Variants in MPRIP observed in about 807,000 individuals in gnomAD.
MPRIP encodes myosin phosphatase Rho interacting protein, also known as myosin phosphatase Rho-interacting protein.
A neutral mutation model predicts 234.9 loss-of-function variants in MPRIP; 59 were observed. The ratio of observed to expected loss-of-function variants is 0.25; its 90% CI spans 0.20 to 0.31. The LOEUF (loss-of-function observed/expected upper bound fraction) is 0.31. Among genes scored for constraint, MPRIP ranks in the 10% least tolerant of loss-of-function variants. The pLI is 1.00. For synonymous variants in MPRIP, 1,144 were observed against 1,263.9 expected, an observed-to-expected ratio of 0.91 and a Z score of 2.01; for missense variants, 2,436 against 3,071.0, an observed-to-expected ratio of 0.79 and a Z score of 4.89.
intron 3 of MPRIP, among the ~76,000 whole-genome samples, chr17:17,083,451 C>T (rs940996511): frequency 1.3e-5 from 2 of 152,150 alleles, no homozygotes; most frequent in African/African-American, 4.8e-5. Flanking sequence ...GACCTCTGCT[C>T]ACCTCACTCT....
At chr17:17,057,885 A>G (rs1028020388) in intron 1 of MPRIP, 1 of 581,484 alleles carries the variant, frequency 1.7e-6, no homozygotes, top group Non-Finnish European at 3.1e-6. Flanking sequence ...TTGGATGTAC[A>G]CAAAAGGATA....
chr17:17,132,198 G>C lies in MPRIP; in HGVS notation c.504+497G>C, dbSNP rs533440063. On this transcript the variant is annotated intron_variant, in intron 5 of 23. Transcript: ENST00000651222. ...GACTGGGGTGGTCCCTCAAGGCCCA[G>C]TCCTTCCCCACAGGCCATGATCCTC... Among the ~76,000 whole-genome samples, 28 of 152,298 alleles carry C rather than the reference G, an allele frequency of 1.8e-4. No individual in the cohort carries two copies. In the South Asian group the frequency reaches 5.6e-3, roughly 30 times the overall value.
chr17:17,059,280 C>T (rs2088800317), intron 1 of MPRIP, among the ~76,000 whole-genome samples: 1 of 152,272 alleles, frequency 6.6e-6, no homozygotes, highest in Admixed American at 6.5e-5. Flanking sequence ...TCCTGTGTAG[C>T]CTTTGGGCAG....
chr17:17,149,260 A>T (rs1177367112), intron 11 of MPRIP, among the ~76,000 whole-genome samples: 3 of 152,192 alleles, frequency 2.0e-5, no homozygotes, highest in African/African-American at 7.2e-5. Flanking sequence ...TTGGAGGCCA[A>T]GGCAGGCGGA....
rs1350841310 is a variant in MPRIP, at chr17:17,136,394, A to G, written c.680A>G (p.Gln227Arg). Residue 227 changes from glutamine to arginine, a missense_variant, in exon 6 of 24, where the codon CAG (glutamine) becomes CGG (arginine). Transcript: ENST00000651222. ...SSLSPAQSPS[Q>R]SQPPAASSLR... ...CTGAGTCCAGCTCAGAGTCCCAGCC[A>G]GAGCCAGCCTCCTGCTGCCAGCTCC... 3 of 1,610,254 alleles carry G rather than the reference A, an allele frequency of 1.9e-6. No individual in the cohort carries two copies. The highest frequency in any genetic ancestry group is 2.2e-5 in the South Asian group (2 of 90,372).
chr17:17,136,135 C>G lies in MPRIP; in HGVS notation c.505-84C>G, dbSNP rs548332911. 3.3e-6 allele frequency: 5 copies of G among 1,503,522 alleles called. No homozygotes were observed. In the South Asian group the frequency reaches 4.6e-5, roughly 14 times the overall value. The allele number at this position is 1,503,522 out of a possible 1,614,324, so 93.1% of individuals were successfully genotyped here. The stretch of plus-strand genomic sequence containing the variant: ...ATTGTGTAGCTGGCCCGGGTGCCCC[C>G]TATAGCTAGGCAGCCAGGACCTGTG... On this transcript the variant is annotated intron_variant, in intron 5 of 23. Transcript: ENST00000651222.
chr17:17,121,799 T>C (rs1041032296), intron 3 of MPRIP, among the ~76,000 whole-genome samples: 14 of 152,224 alleles, frequency 9.2e-5, no homozygotes, highest in Non-Finnish European at 1.6e-4. Context: ...TTTCCTGATC[T>C]TCTCCCTCTT....
chr17:17,185,386 A>C lies in MPRIP; in HGVS notation c.*492A>C. ...TCCTCACCCGCTAGTCTGGCTGTTA[A>C]GAGGAGAAAGTGCACTGCCTTCCAG... is the stretch of plus-strand genomic sequence containing the variant. On this transcript the variant is annotated 3_prime_UTR_variant, in exon 24 of 24. Coordinates refer to ENST00000651222, the MANE Select transcript of MPRIP (RefSeq NM_001364716.4). 2.5e-6 allele frequency: 1 copy of C among 406,084 alleles called. No homozygotes were observed. The highest frequency in any genetic ancestry group is 2.7e-5 in the Admixed American group (1 of 37,332). 25.2% of individuals were successfully genotyped at this position (406,084 alleles called of 1,614,324 possible).
In MPRIP at chr17:17,175,425, G is replaced by A; in HGVS notation, c.6870+13G>A. ...CTATGAACTAGAGGTACCATCAGGA[G>A]CCAGGCCCTGCCTGACTCAGCTCTG... On this transcript the variant is annotated intron_variant, in intron 20 of 23. Coordinates refer to ENST00000651222, the MANE Select transcript of MPRIP (RefSeq NM_001364716.4). The A allele has an allele frequency of 1.3e-6, 2 of 1,593,560 alleles. No individual in the cohort carries two copies. Among genetic ancestry groups the A allele is most frequent in the Non-Finnish European group, 1.7e-6 (2 of 1,169,924 alleles).
intron 4 of MPRIP, among the ~76,000 whole-genome samples, chr17:17,130,577 A>AC (rs150881636): frequency 3.0e-4 from 46 of 151,436 alleles, no homozygotes; most frequent in Admixed American, 1.6e-3. Flanking sequence ...AGCAGTACAG[A>AC]CCCCCCCATC....
intron 16 of MPRIP, chr17:17,168,553 C>T: frequency 3.0e-6 from 1 of 336,474 alleles, no homozygotes; most frequent in South Asian, 2.3e-5. Flanking sequence ...GTCCTGCATC[C>T]CCGCCCCTGA....
At chr17:17,083,359 C>G (rs1230091712) in intron 3 of MPRIP, among the ~76,000 whole-genome samples, 2 of 152,142 alleles carry the variant, frequency 1.3e-5, no homozygotes, top group Non-Finnish European at 2.9e-5. Context: ...CAGAGCACTC[C>G]AGGTGCAGAC....
intron 1 of MPRIP, among the ~76,000 whole-genome samples, chr17:17,060,995 C>T (rs1427888994): frequency 2.6e-5 from 4 of 152,306 alleles, no homozygotes; most frequent in South Asian, 2.1e-4. Flanking sequence ...GACCAGTGTT[C>T]GTCGGCCCTG....
In MPRIP at chr17:17,165,828, G is replaced by A. The variant is rs1486660582; in HGVS notation, c.4237G>A (p.Glu1413Lys). The A allele has an allele frequency of 7.7e-7, 1 of 1,304,180 alleles. No homozygotes were observed. The highest frequency in any genetic ancestry group is 1.5e-5 in the African/African-American group (1 of 65,888). The allele number at this position is 1,304,180 out of a possible 1,614,324, so 80.8% of individuals were successfully genotyped here. A position where few individuals can be genotyped will look rare whatever the true frequency, so the allele number is the denominator to read the frequency against. ...RLESQQGQSR[E>K]ALLALHHQWA... ...GGAGAGCCAGCAGGGTCAGAGCCGTGAGGCACTGCTCGCACTGCACCACCA... is the reference window on the plus strand; with the variant it reads ...GGAGAGCCAGCAGGGTCAGAGCCGTAAGGCACTGCTCGCACTGCACCACCA... The change falls in exon 16 of 24, where the codon GAG (glutamate) becomes AAG (lysine). Residue 1413 changes from glutamate (E) to lysine (K), a missense_variant. Physicochemically the swap from Glu to Lys is moderately conservative, Grantham distance 56 (BLOSUM62 1). This residue lies in a region of MPRIP where 1,998 missense variants were observed against 2,520.3 expected (regional missense o/e 0.79). Coordinates refer to ENST00000651222, the MANE Select transcript of MPRIP (RefSeq NM_001364716.4).
chr17:17,161,506 T>TG, intron 15 of MPRIP, 150 bp downstream of exon 15: 1 of 486,912 alleles, frequency 2.1e-6, no homozygotes, highest in Non-Finnish European at 3.6e-6. Flanking sequence ...GCCACAGGAC[T>TG]GGACACTCAA....
chr17:17,068,155 T>C (rs2143983979), intron 1 of MPRIP, among the ~76,000 whole-genome samples: 1 of 152,136 alleles, frequency 6.6e-6, no homozygotes, highest in South Asian at 2.1e-4. Flanking sequence ...TTTTGTTTTG[T>C]TTTTTGTTTT....
rs1211120910 is a variant in MPRIP at position 17,189,514 on chromosome 17, C to T, written c.*4620C>T. Reference sequence around the variant, plus strand: ...TATAAGATACGGTAAAAAAAAAAAACTGTGACCCCTTTGTCACTAAGGGAG... The same window carrying T: ...TATAAGATACGGTAAAAAAAAAAAATTGTGACCCCTTTGTCACTAAGGGAG... On this transcript the variant is annotated 3_prime_UTR_variant, in exon 24 of 24. Transcript: ENST00000651222. The T allele has an allele frequency of 6.9e-6, 1 of 145,272 alleles. No individual in the cohort carries two copies. Among genetic ancestry groups the T allele is most frequent in the East Asian group, 2.0e-4 (1 of 4,888 alleles). 9.0% of individuals were successfully genotyped at this position (145,272 alleles called of 1,614,324 possible).
chr17:17,164,031 T>G, intron 15 of MPRIP, 78 bp from the exon 16 acceptor site: 1 of 1,028,160 alleles, frequency 9.7e-7, no homozygotes, highest in Non-Finnish European at 1.3e-6. Flanking sequence ...TTTCTGTGGT[T>G]GTTCCTGGCC....
chr17:17,096,308 TG>T (rs2144183323), intron 3 of MPRIP, among the ~76,000 whole-genome samples: 1 of 118,922 alleles, frequency 8.4e-6, no homozygotes, highest in Non-Finnish European at 1.7e-5. Context: ...TGTGTGTGTG[TG>T]TGTGTGTGTG....
Sources: allele counts gnomAD v4.1 joint callset (sites outside exome capture counted in the v4.1 genomes callset), GRCh38; gene constraint gnomAD v4.1.1; regional missense constraint gnomAD v4.1.1; transcripts MANE v1.5; gene names NCBI Gene and HGNC (gene_info 2026-07-23, HGNC 2026-07-21).